LHCGR: variants seen among roughly 807,000 people sequenced by gnomAD.
LHCGR encodes lutropin-choriogonadotropic hormone receptor.
A neutral mutation model predicts 60.7 loss-of-function variants in LHCGR; 55 were observed. The ratio of observed to expected loss-of-function variants is 0.91; its 90% CI spans 0.73 to 1.13. The LOEUF is 1.13. Among genes scored for constraint, LHCGR ranks in the 50% most tolerant of loss-of-function variants. The pLI, the probability that LHCGR is intolerant of heterozygous loss-of-function variation, is 0.00. For synonymous variants in LHCGR, 337 were observed against 316.5 expected (o/e 1.06, Z -0.69); for missense variants, 862 against 836.0 (o/e 1.03, Z -0.38).
At chr2:48,706,494 G>T (rs1217743871) in intron 8 of LHCGR, among the ~76,000 whole-genome samples, 1 of 152,160 alleles carries the variant, frequency 6.6e-6, no homozygotes, top group East Asian at 1.9e-4. Context: ...TTTCTAACTT[G>T]GTTCCATTCT....
At chr2:48,736,407 A>G (rs1669209967) in intron 1 of LHCGR, among the ~76,000 whole-genome samples, 1 of 152,192 alleles carries the variant, frequency 6.6e-6, no homozygotes, top group Non-Finnish European at 1.5e-5. Context: ...CCAATTGCCA[A>G]GCACTCAGTG....
chr2:48,754,638 A>C (rs555317012), intron 1 of LHCGR, among the ~76,000 whole-genome samples: 1 of 151,874 alleles, frequency 6.6e-6, no homozygotes, highest in Non-Finnish European at 1.5e-5. Context: ...GTAGTCACCT[A>C]CTGTCCCTCC....
intron 9 of LHCGR, among the ~76,000 whole-genome samples, chr2:48,695,444 C>T (rs1003061040): frequency 6.6e-6 from 1 of 152,158 alleles, no homozygotes; most frequent in African/African-American, 2.4e-5. Context: ...AATTCTCATA[C>T]ACTGTTGGTG....
chr2:48,725,375 T>G (rs1286665695), intron 4 of LHCGR, among the ~76,000 whole-genome samples: 2 of 152,180 alleles, frequency 1.3e-5, no homozygotes, highest in Non-Finnish European at 2.9e-5. Flanking sequence ...CTTTTTAAAG[T>G]GTTATGACCT....
At chr2:48,745,539 C>T (rs545377393) in intron 1 of LHCGR, among the ~76,000 whole-genome samples, 106 of 152,082 alleles carry the variant, frequency 7.0e-4, no homozygotes, top group Non-Finnish European at 1.2e-3. Context: ...AGTTCACGTC[C>T]TTTGTAGGGA....
At chr2:48,751,807 G>A (rs1009267004) in intron 1 of LHCGR, among the ~76,000 whole-genome samples, 2 of 152,140 alleles carry the variant, frequency 1.3e-5, no homozygotes, top group African/African-American at 4.8e-5. Context: ...TCTTGCCAAG[G>A]CCTCTGGATT....
At chr2:48,707,998 C>G (rs1028494390) in intron 8 of LHCGR, among the ~76,000 whole-genome samples, 1 of 152,274 alleles carries the variant, frequency 6.6e-6, no homozygotes, top group East Asian at 1.9e-4. Context: ...AGGTGACGCC[C>G]TGCCCTGCTT....
chr2:48,752,981 C>CGGGGGGGGGGGGGG (rs60837194), intron 1 of LHCGR, among the ~76,000 whole-genome samples: 15 of 7,628 alleles, frequency 2.0e-3, no homozygotes, highest in African/African-American at 0.011. Context: ...CGGATTTTGG[C>CGGGGGGGGGGGGGG]GGGGGGGGGG....
At chr2:48,748,561 C>G (rs188484553) in intron 1 of LHCGR, among the ~76,000 whole-genome samples, 4 of 152,304 alleles carry the variant, frequency 2.6e-5, no homozygotes, top group African/African-American at 9.6e-5. Flanking sequence ...CCTAGTGGGT[C>G]ATTTTCTCTA....
chr2:48,714,100 A>C (rs1668123683), intron 6 of LHCGR, 46 bp from the exon 7 acceptor site: 27 of 1,394,218 alleles, frequency 1.9e-5, no homozygotes, highest in Non-Finnish European at 2.5e-5. Flanking sequence ...AAACTGAAAG[A>C]AACAGTTTGG....
chr2:48,745,341 A>C lies in LHCGR; in HGVS notation c.161+10170T>G, dbSNP rs537062102. On this transcript the variant is annotated intron_variant, in intron 1 of 10. Coordinates refer to ENST00000294954, the MANE Select transcript of LHCGR (RefSeq NM_000233.4). ...TACCATTTGACCTAGCCATCCCATT[A>C]CTGGGTATATACCCAAAGGACTATA... is the stretch of plus-strand genomic sequence containing the variant. 4.6e-5 allele frequency among the ~76,000 whole-genome samples: 7 copies of C among 152,338 alleles called. No homozygotes were observed. The East Asian group carries it at 1.4e-3, about 29-fold the overall frequency.
At chr2:48,701,098 A>G (rs1274904085) in intron 8 of LHCGR, among the ~76,000 whole-genome samples, 1 of 152,104 alleles carries the variant, frequency 6.6e-6, no homozygotes, top group Non-Finnish European at 1.5e-5. Context: ...AGTGGATAGC[A>G]GGAAGGAGTT....
chr2:48,737,583 G>C (rs1432547507), intron 1 of LHCGR, among the ~76,000 whole-genome samples: 1 of 152,174 alleles, frequency 6.6e-6, no homozygotes, highest in African/African-American at 2.4e-5. Flanking sequence ...AGCTGTCAAA[G>C]GCATCGGACT....
chr2:48,734,888 G>A (rs528936205), intron 1 of LHCGR, among the ~76,000 whole-genome samples: 85 of 152,346 alleles, frequency 5.6e-4, no homozygotes, highest in African/African-American at 2.0e-3. Context: ...AAAGAATTAG[G>A]GTTACTGGGA....
chr2:48,711,667 G>A (rs895788015), intron 7 of LHCGR, among the ~76,000 whole-genome samples: 2 of 151,908 alleles, frequency 1.3e-5, no homozygotes, highest in African/African-American at 4.8e-5. Flanking sequence ...TTTTTCTCCC[G>A]TCTGTTTTAT....
At chr2:48,698,939 T>G in intron 8 of LHCGR, 139 bp from the exon 9 acceptor site, 3 of 645,880 alleles carry the variant, frequency 4.6e-6, no homozygotes, top group Non-Finnish European at 7.8e-6. Flanking sequence ...CCTCCTGGGT[T>G]CACGCCATTC....
chr2:48,736,104 A>G (rs2103656149), intron 1 of LHCGR, among the ~76,000 whole-genome samples: 1 of 152,262 alleles, frequency 6.6e-6, no homozygotes, highest in Non-Finnish European at 1.5e-5. Flanking sequence ...CTTCCTGTAC[A>G]GCCTGCAGAA....
At chr2:48,752,970 C>T (rs1234252239) in intron 1 of LHCGR, among the ~76,000 whole-genome samples, 2 of 24,122 alleles carry the variant, frequency 8.3e-5, no homozygotes, top group Non-Finnish European at 1.7e-4. Flanking sequence ...AGGTGTTATG[C>T]CGGATTTTGG....
intron 1 of LHCGR, among the ~76,000 whole-genome samples, chr2:48,743,929 G>A (rs1392660745): frequency 6.6e-6 from 1 of 151,160 alleles, no homozygotes; most frequent in Non-Finnish European, 1.5e-5. Context: ...CGACGTGATT[G>A]TATATCTAGA....
Sources: gnomAD v4.1 joint callset for allele counts (sites outside exome capture counted in the v4.1 genomes callset) on GRCh38, gnomAD v4.1.1 for gene constraint, MANE v1.5 for transcripts, NCBI Gene and HGNC (gene_info 2026-07-23, HGNC 2026-07-21) for gene names.